Variants in EFCAB13 observed in about 807,000 individuals in gnomAD.
The protein encoded by EFCAB13 is EF-hand calcium binding domain 13, also known as EF-hand calcium-binding domain-containing protein 13.
In EFCAB13, 91 loss-of-function variants were observed where a neutral mutation model predicts 110.2. The ratio of observed to expected loss-of-function variants is 0.83; its 90% CI spans 0.70 to 0.98. The LOEUF is 0.98. Among genes scored for constraint, EFCAB13 ranks in the 50% least tolerant of loss-of-function variants. The pLI, the probability that EFCAB13 is intolerant of heterozygous loss-of-function variation, is 0.00. For missense variants in EFCAB13, 968 were observed against 1,119.4 expected (o/e 0.86, Z 1.93); for synonymous variants, 323 against 369.9 (o/e 0.87, Z 1.45).
Position 47,343,656 on chromosome 17 carries a change from G to A in EFCAB13, c.304-506G>A, listed in dbSNP as rs1393226907. Among the ~76,000 whole-genome samples the A allele has an allele frequency of 5.9e-5, 9 of 152,064 alleles. No individual in the cohort carries two copies. In the South Asian group the frequency reaches 1.4e-3, roughly 24 times the overall value. ...ATTAGAATTCTTATTTTTCTAAAGT[G>A]CTACTTTCCTATCCACCTAGTGCTT... On this transcript the variant is annotated intron_variant, in intron 6 of 24. Transcript: ENST00000331493.
intron 2 of EFCAB13, 144 bp from the exon 3 acceptor site, chr17:47,326,082 G>A (rs1276457959): frequency 6.6e-6 from 1 of 151,394 alleles, no homozygotes; most frequent in African/African-American, 2.4e-5. Context: ...ATAGATGACT[G>A]GAGAAAAGGG....
intron 17 of EFCAB13, among the ~76,000 whole-genome samples, chr17:47,398,173 A>G (rs796466204): frequency 0.049 from 4,648 of 94,566 alleles, 165 homozygotes; most frequent in East Asian, 0.24. Flanking sequence ...GCCTCTGCCC[A>G]GCCGCCCCTA....
chr17:47,360,442 T>A (rs1257081143), intron 9 of EFCAB13, among the ~76,000 whole-genome samples: 1 of 152,252 alleles, frequency 6.6e-6, no homozygotes, highest in Non-Finnish European at 1.5e-5. Context: ...AAGTGTCTGT[T>A]CATATCCTTT....
intron 17 of EFCAB13, among the ~76,000 whole-genome samples, chr17:47,400,245 T>C (rs2143440474): frequency 6.6e-6 from 1 of 152,346 alleles, no homozygotes; most frequent in Admixed American, 6.5e-5. Context: ...ATCTGAATCT[T>C]TGTTTCAGGC....
At chr17:47,328,163 T>TG in intron 3 of EFCAB13, 106 bp from the exon 4 acceptor site, 2 of 614,994 alleles carry the variant, frequency 3.3e-6, no homozygotes, top group South Asian at 4.4e-5. Flanking sequence ...TTGTGTATCA[T>TG]ACCCCAAGTC....
chr17:47,414,646 A>AT (rs1317971680), intron 22 of EFCAB13, among the ~76,000 whole-genome samples: 1 of 152,188 alleles, frequency 6.6e-6, no homozygotes, highest in African/African-American at 2.4e-5. Context: ...AATGTTAGCT[A>AT]TTGTTTGCTA....
chr17:47,383,700 G>A (rs1387288246), intron 14 of EFCAB13, among the ~76,000 whole-genome samples: 2 of 152,158 alleles, frequency 1.3e-5, no homozygotes, highest in Non-Finnish European at 2.9e-5. Context: ...TTCCAATTAT[G>A]TGGTCAATTT....
intron 5 of EFCAB13, among the ~76,000 whole-genome samples, chr17:47,337,264 T>C (rs1412148766): frequency 6.6e-6 from 1 of 152,184 alleles, no homozygotes; most frequent in Non-Finnish European, 1.5e-5. Flanking sequence ...AGCACATGCC[T>C]CAAAAGAATG....
At chr17:47,345,797 T>C (rs899976037) in intron 8 of EFCAB13, among the ~76,000 whole-genome samples, 1 of 152,202 alleles carries the variant, frequency 6.6e-6, no homozygotes. Flanking sequence ...GCCACTATGA[T>C]TGTATGATTT....
In EFCAB13 at chr17:47,347,793, G is replaced by C; in HGVS notation, c.518-15G>C. ...TTTTGATTAACTAACTAAATGTTTT[G>C]TTATGTGTGTGCAGCACTTCATAAA... On this transcript the variant is annotated splice_polypyrimidine_tract_variant and intron_variant, in intron 8 of 24. Coordinates refer to ENST00000331493, the MANE Select transcript of EFCAB13 (RefSeq NM_152347.5). 1 of 1,405,352 alleles carries C rather than the reference G, an allele frequency of 7.1e-7. No homozygotes were observed. The highest frequency in any genetic ancestry group is 9.4e-7 in the Non-Finnish European group (1 of 1,063,302). The allele number at this position is 1,405,352 out of a possible 1,614,324, so 87.1% of individuals were successfully genotyped here.
At chr17:47,408,416 C>T (rs2065816263) in intron 20 of EFCAB13, among the ~76,000 whole-genome samples, 1 of 151,972 alleles carries the variant, frequency 6.6e-6, no homozygotes, top group Admixed American at 6.6e-5. Context: ...TTTGGGAGGC[C>T]AAGGCGGGCA....
chr17:47,417,401 C>A lies in EFCAB13; in HGVS notation c.2494+2482C>A, dbSNP rs1176687008. ...AAGAATGTTTCTCTATGATACCAAT[C>A]TTTCACTGTTTGCTTTAGTTTCAGT... On this transcript the variant is annotated intron_variant, in intron 23 of 24. Coordinates refer to ENST00000331493, the MANE Select transcript of EFCAB13 (RefSeq NM_152347.5). 3.9e-5 allele frequency among the ~76,000 whole-genome samples: 6 copies of A among 152,336 alleles called. No homozygotes were observed. The South Asian group carries it at 1.2e-3, about 32-fold the overall frequency.
chr17:47,386,267 G>A (rs1014287825), intron 14 of EFCAB13, among the ~76,000 whole-genome samples: 3 of 152,180 alleles, frequency 2.0e-5, no homozygotes, highest in East Asian at 1.9e-4. Context: ...CCCCAGATAC[G>A]CTGGTCCAGT....
chr17:47,413,135 C>G (rs534415718), intron 22 of EFCAB13, among the ~76,000 whole-genome samples: 2 of 152,164 alleles, frequency 1.3e-5, no homozygotes, highest in African/African-American at 2.4e-5. Context: ...ATTTAATTAC[C>G]ATTCATTACT....
chr17:47,349,585 A>G (rs1351078856), intron 9 of EFCAB13, among the ~76,000 whole-genome samples: 2 of 152,038 alleles, frequency 1.3e-5, no homozygotes, highest in African/African-American at 2.4e-5. Context: ...TAGTATTCTA[A>G]TGTCATTAGT....
intron 4 of EFCAB13, among the ~76,000 whole-genome samples, chr17:47,332,174 C>T (rs1402175757): frequency 6.6e-6 from 1 of 152,104 alleles, no homozygotes; most frequent in African/African-American, 2.4e-5. Flanking sequence ...TACCATTTTG[C>T]ATTCCCATCA....
chr17:47,345,486 C>T (rs1014666230), intron 8 of EFCAB13, among the ~76,000 whole-genome samples: 2 of 152,112 alleles, frequency 1.3e-5, no homozygotes, highest in Admixed American at 6.6e-5. Context: ...TGACCTCTCC[C>T]GTATCTTGGG....
intron 24 of EFCAB13, among the ~76,000 whole-genome samples, chr17:47,432,371 G>A (rs1327377235): frequency 2.6e-5 from 4 of 151,362 alleles, no homozygotes; most frequent in African/African-American, 9.8e-5. Flanking sequence ...GCACTCCAGC[G>A]TGGGCGACTG....
chr17:47,377,701 G>A (rs910211437), intron 12 of EFCAB13, 65 bp from the exon 13 acceptor site: 3 of 1,357,062 alleles, frequency 2.2e-6, no homozygotes, highest in African/African-American at 1.5e-5. Context: ...TAAAGATTTT[G>A]AGTATTATTG....
Sources: allele counts gnomAD v4.1 joint callset (sites outside exome capture counted in the v4.1 genomes callset), GRCh38; gene constraint gnomAD v4.1.1; transcripts MANE v1.5; gene names NCBI Gene and HGNC (gene_info 2026-07-23, HGNC 2026-07-21).